Variants in GRIP1 observed in about 807,000 individuals in gnomAD.
GRIP1 encodes glutamate receptor interacting protein 1.
GRIP1 carries 45 observed loss-of-function variants against 129.9 expected under a neutral mutation model. That is an observed-to-expected ratio of 0.35 (90% CI 0.27 to 0.44). The LOEUF is 0.44. Ranked by LOEUF, GRIP1 falls within the 20% of genes least tolerant of loss-of-function variation. GRIP1 has a pLI of 1.00. For missense variants in GRIP1, 1,196 were observed against 1,396.8 expected, an observed-to-expected ratio of 0.86 and a Z score of 2.29; for synonymous variants, 530 against 520.8, an observed-to-expected ratio of 1.02 and a Z score of -0.24.
chr12:66,956,565 T>C (rs1056437225), intron 1 of GRIP1, among the ~76,000 whole-genome samples: 2 of 152,212 alleles, frequency 1.3e-5, no homozygotes, highest in African/African-American at 2.4e-5. Context: ...GAAAGAGGCA[T>C]ATAAATGAGT....
chr12:67,025,977 G>T (rs2042937289), intron 1 of GRIP1, among the ~76,000 whole-genome samples: 1 of 151,926 alleles, frequency 6.6e-6, no homozygotes, highest in Non-Finnish European at 1.5e-5. Context: ...TTGAGTTGGA[G>T]GAGTGAAGGT....
At chr12:66,930,580 T>C (rs12821983) in intron 1 of GRIP1, among the ~76,000 whole-genome samples, 31,338 of 152,000 alleles carry the variant, frequency 0.21, 3,489 homozygotes, top group South Asian at 0.26. Context: ...TGTGCATGTG[T>C]CTTTATAGCG....
At chr12:66,698,276 G>A (rs2035233524) in intron 1 of GRIP1, among the ~76,000 whole-genome samples, 2 of 152,164 alleles carry the variant, frequency 1.3e-5, no homozygotes, top group African/African-American at 4.8e-5. Context: ...AAGTAACTAA[G>A]ATCACAATTA....
intron 1 of GRIP1, among the ~76,000 whole-genome samples, chr12:66,715,429 C>T (rs1440623036): frequency 1.5e-5 from 2 of 133,242 alleles, no homozygotes; most frequent in Non-Finnish European, 1.6e-5. Context: ...GATAATTCTG[C>T]CACAGCAATG....
At chr12:66,948,838 T>C (rs915325242) in intron 1 of GRIP1, among the ~76,000 whole-genome samples, 1 of 143,402 alleles carries the variant, frequency 7.0e-6, no homozygotes, top group Non-Finnish European at 1.5e-5. Flanking sequence ...CACAGAAAAA[T>C]GAAGCTGTAG....
At chr12:66,899,047 G>A (rs1301262260) in intron 1 of GRIP1, among the ~76,000 whole-genome samples, 2 of 152,130 alleles carry the variant, frequency 1.3e-5, no homozygotes, top group African/African-American at 4.8e-5. Context: ...TGTTTTTCTG[G>A]TGTTGTATCC....
At chr12:66,574,633 T>C (rs1039030012) in intron 2 of GRIP1, among the ~76,000 whole-genome samples, 4 of 152,216 alleles carry the variant, frequency 2.6e-5, no homozygotes, top group Admixed American at 6.5e-5. Flanking sequence ...ATATTTTAGG[T>C]TGCTTACAAT....
intron 5 of GRIP1, among the ~76,000 whole-genome samples, chr12:66,527,651 G>A (rs956651297): frequency 1.3e-5 from 2 of 151,958 alleles, no homozygotes; most frequent in African/African-American, 2.4e-5. Context: ...TTGTGCACAT[G>A]TACCCTAAAA....
At chr12:66,458,680 G>A (rs11176196) in intron 9 of GRIP1, among the ~76,000 whole-genome samples, 5 of 152,010 alleles carry the variant, frequency 3.3e-5, no homozygotes, top group Admixed American at 1.3e-4. Context: ...CCACTGCGCC[G>A]GGCCTGAATA....
chr12:66,909,621 G>T (rs1423562099), intron 1 of GRIP1, among the ~76,000 whole-genome samples: 3 of 152,158 alleles, frequency 2.0e-5, no homozygotes, highest in African/African-American at 7.2e-5. Flanking sequence ...AGTGCCTAAA[G>T]AATGTCCTCA....
At chr12:66,789,252 C>T (rs550460928) in intron 1 of GRIP1, among the ~76,000 whole-genome samples, 2 of 152,020 alleles carry the variant, frequency 1.3e-5, no homozygotes, top group South Asian at 2.1e-4. Flanking sequence ...AGAATTAAGT[C>T]GGATGGGCAG....
chr12:66,855,628 A>G (rs904921978), intron 1 of GRIP1, among the ~76,000 whole-genome samples: 6 of 152,094 alleles, frequency 3.9e-5, no homozygotes, highest in African/African-American at 1.4e-4. Flanking sequence ...CCATGTTTTT[A>G]CAAGGATATT....
chr12:66,584,936 C>T (rs887624919), intron 2 of GRIP1, among the ~76,000 whole-genome samples: 3 of 152,034 alleles, frequency 2.0e-5, no homozygotes, highest in African/African-American at 2.4e-5. Flanking sequence ...CACATCTTCT[C>T]AGCAGGGACT....
intron 1 of GRIP1, among the ~76,000 whole-genome samples, chr12:66,676,984 T>C (rs1356893347): frequency 6.6e-6 from 1 of 152,168 alleles, no homozygotes; most frequent in Non-Finnish European, 1.5e-5. Flanking sequence ...TGCATTCTTG[T>C]AAGTATTTGG....
At chr12:66,904,938 A>G (rs564203354) in intron 1 of GRIP1, among the ~76,000 whole-genome samples, 1 of 151,466 alleles carries the variant, frequency 6.6e-6, no homozygotes, top group African/African-American at 2.4e-5. Context: ...TTGTCTTTTT[A>G]TTGGTAAAGC....
At chr12:66,756,304 T>C (rs1480068910) in intron 1 of GRIP1, among the ~76,000 whole-genome samples, 2 of 152,204 alleles carry the variant, frequency 1.3e-5, no homozygotes, top group African/African-American at 4.8e-5. Flanking sequence ...GGTGACTCTC[T>C]TCCCTTTTCC....
chr12:66,552,405 A>G (rs923658774), intron 2 of GRIP1, among the ~76,000 whole-genome samples: 4 of 152,028 alleles, frequency 2.6e-5, no homozygotes, highest in African/African-American at 9.7e-5. Flanking sequence ...ATTCTTTTAA[A>G]GCAGTTTATA....
intron 16 of GRIP1, 49 bp downstream of exon 16, chr12:66,406,234 C>T: frequency 6.4e-7 from 1 of 1,571,524 alleles, no homozygotes; most frequent in Non-Finnish European, 8.8e-7. Flanking sequence ...TCTTTGGTGA[C>T]AGATGGGCAG....
At chr12:66,581,267 A>T (rs973678720) in intron 2 of GRIP1, among the ~76,000 whole-genome samples, 2 of 151,978 alleles carry the variant, frequency 1.3e-5, no homozygotes, top group Non-Finnish European at 2.9e-5. Flanking sequence ...GTGTAGAGGG[A>T]AATTGATAGC....
Sources: allele counts gnomAD v4.1 joint callset (sites outside exome capture counted in the v4.1 genomes callset), GRCh38; gene constraint gnomAD v4.1.1; transcripts MANE v1.5; gene names NCBI Gene and HGNC (gene_info 2026-07-23, HGNC 2026-07-21).